The following PIEZO2 variants were observed in gnomAD, a reference collection of about 807,000 sequenced individuals.
PIEZO2 encodes the protein piezo type mechanosensitive ion channel component 2, also known as piezo-type mechanosensitive ion channel component 2.
In PIEZO2, 172 loss-of-function variants were observed where a neutral mutation model predicts 337.3. That is an observed-to-expected ratio of 0.51 (90% CI 0.45 to 0.58). The LOEUF (loss-of-function observed/expected upper bound fraction) is 0.58, where lower values mean the gene tolerates loss of function less well. Ranked by LOEUF, PIEZO2 falls within the 20% of genes least tolerant of loss-of-function variation. The probability of loss-of-function intolerance (pLI) is 0.00; values close to 1 mark genes in which losing one functional copy is unlikely to be tolerated. For missense variants in PIEZO2, 3,028 were observed against 3,391.3 expected (o/e 0.89, Z 2.66); for synonymous variants, 1,251 against 1,228.5 (o/e 1.02, Z -0.38).
rs969154714 is a variant in PIEZO2 at position 10,813,285 on chromosome 18, A to C, written c.918-6011T>G. Reference sequence around the variant, plus strand: ...TGAGCCACCGCGCCCGGGCCATTTTAAACATTTTTAAGAACACAGTTCAGT... The same window carrying C: ...TGAGCCACCGCGCCCGGGCCATTTTCAACATTTTTAAGAACACAGTTCAGT... On this transcript the variant is annotated intron_variant, in intron 7 of 55. Transcript: ENST00000674853. This position sits in a 1 kb window ranked among gnomAD's most constrained non-coding sequence, Gnocchi z 4.2. Among the ~76,000 whole-genome samples, 1 of 152,042 alleles carries C rather than the reference A, an allele frequency of 6.6e-6. No individual in the cohort carries two copies.
intron 21 of PIEZO2, among the ~76,000 whole-genome samples, chr18:10,763,489 G>A (rs2038226548): frequency 6.6e-6 from 1 of 151,946 alleles, no homozygotes; most frequent in Admixed American, 6.6e-5. Flanking sequence ...GATTCTTTAG[G>A]TAAAGGAGGC....
Position 10,784,966 on chromosome 18 carries a change from CA to C in PIEZO2, c.2319-10del, listed in dbSNP as rs945154484. ...AGCCAAGATCCTCAAGCCTGCAAAACAAAACAAAATAAAAAGCAGGAACCTC... is the reference window on the plus strand; with the variant it reads ...AGCCAAGATCCTCAAGCCTGCAAAACAAACAAAATAAAAAGCAGGAACCTC... On this transcript the variant is annotated splice_polypyrimidine_tract_variant and intron_variant, in intron 16 of 55. Transcript: ENST00000674853. The surrounding 1 kb of genome is among the most constrained non-coding windows in gnomAD (Gnocchi z 4.5). The C allele has an allele frequency of 3.3e-6, 5 of 1,525,128 alleles. No homozygotes were observed. The highest frequency in any genetic ancestry group is 4.4e-6 in the Non-Finnish European group (5 of 1,142,536). The allele number at this position is 1,525,128 out of a possible 1,614,324, so 94.5% of individuals were successfully genotyped here.
Position 11,148,775 on chromosome 18 carries a change from C to T in PIEZO2, c.-187G>A, listed in dbSNP as rs2040875750. 3 of 563,392 alleles carry T rather than the reference C, an allele frequency of 5.3e-6. No homozygotes were observed. Among genetic ancestry groups the T allele is most frequent in the Non-Finnish European group, 9.0e-6 (3 of 333,662 alleles). The allele number at this position is 563,392 out of a possible 1,614,324, so 34.9% of individuals were successfully genotyped here. ...ACGCTCCCGGGGCTCTTGGCCGCCC[C>T]TCGCCCACCGGGCTCTGGGTAGCCC... On this transcript the variant is annotated 5_prime_UTR_variant, in exon 1 of 56. Coordinates refer to ENST00000674853, the MANE Select transcript of PIEZO2 (RefSeq NM_001378183.1). The surrounding 1 kb of genome is among the most constrained non-coding windows in gnomAD (Gnocchi z 5.2).
At chr18:10,690,257 C>A (rs1167212611) in intron 48 of PIEZO2, among the ~76,000 whole-genome samples, 1 of 152,090 alleles carries the variant, frequency 6.6e-6, no homozygotes, top group African/African-American at 2.4e-5. Context: ...GGGTGTGAGG[C>A]CCCTCAGCCG....
chr18:10,932,489 C>T (rs1308613765), intron 3 of PIEZO2, among the ~76,000 whole-genome samples: 1 of 152,206 alleles, frequency 6.6e-6, no homozygotes, highest in Non-Finnish European at 1.5e-5. Context: ...ATAATCTAAG[C>T]AGCATATCAG....
At position 10,705,547 on chromosome 18, in the gene PIEZO2, G is replaced by A; in HGVS notation, c.5788C>T (p.Gln1930Ter). The change falls in exon 41 of 56, where the codon CAG becomes TAG. Residue 1930 changes from glutamine (Q) to a stop codon, truncating the protein, a stop_gained. Coordinates refer to ENST00000674853, the MANE Select transcript of PIEZO2 (RefSeq NM_001378183.1). LOFTEE classifies it high-confidence loss of function. ...ASLTPEEELT[Q>*]FSTLDGDVEA... Reference sequence around the variant, plus strand: ...ACATCCCCGTCCAAGGTGGAGAACTGTGTCAGCTCTTCCTCTGGGGTGAGG... The same window carrying A: ...ACATCCCCGTCCAAGGTGGAGAACTATGTCAGCTCTTCCTCTGGGGTGAGG... 2 of 1,537,280 alleles carry A rather than the reference G, an allele frequency of 1.3e-6. No individual in the cohort carries two copies. Among genetic ancestry groups the A allele is most frequent in the Non-Finnish European group, 1.7e-6 (2 of 1,146,910 alleles).
intron 3 of PIEZO2, among the ~76,000 whole-genome samples, chr18:10,922,931 C>A (rs2031517318): frequency 6.6e-6 from 1 of 152,024 alleles, no homozygotes; most frequent in Admixed American, 6.5e-5. Flanking sequence ...GAAGAATAGA[C>A]CTTTACTGTG....
chr18:10,854,002 T>C lies in PIEZO2; in HGVS notation c.917+1351A>G, dbSNP rs3898147. On this transcript the variant is annotated intron_variant, in intron 7 of 55. Transcript: ENST00000674853. This position sits in a 1 kb window ranked among gnomAD's most constrained non-coding sequence, Gnocchi z 4.6. Reference sequence around the variant, plus strand: ...TGTGCTTCACACAGGTTTAAGTATCTACTGTGCTCCTCTGAACTAGACAGT... The same window carrying C: ...TGTGCTTCACACAGGTTTAAGTATCCACTGTGCTCCTCTGAACTAGACAGT... Among the ~76,000 whole-genome samples, 2,823 of 152,326 alleles carry C rather than the reference T, an allele frequency of 0.019. 91 individuals carry two copies. Among genetic ancestry groups the C allele is most frequent in the African/African-American group, 0.064 (2,671 of 41,564 alleles).
chr18:10,893,425 C>T (rs1469576710), intron 4 of PIEZO2, among the ~76,000 whole-genome samples: 3 of 151,796 alleles, frequency 2.0e-5, no homozygotes, highest in Non-Finnish European at 4.4e-5. Flanking sequence ...AGACTCTTCC[C>T]TTCCCTGTGC....
At chr18:10,688,657 T>A (rs2034661620) in intron 49 of PIEZO2, among the ~76,000 whole-genome samples, 1 of 152,226 alleles carries the variant, frequency 6.6e-6, no homozygotes, top group African/African-American at 2.4e-5. Flanking sequence ...CAATTTCTCA[T>A]CTCTTTCCAA....
At chr18:10,871,819 A>G (rs1483601299) in intron 4 of PIEZO2, among the ~76,000 whole-genome samples, 2 of 152,266 alleles carry the variant, frequency 1.3e-5, no homozygotes, top group Non-Finnish European at 2.9e-5. Flanking sequence ...CAAGGAAAAT[A>G]GAGAAAATGT....
Position 10,750,521 on chromosome 18 carries a change from C to G in PIEZO2, c.4168-334G>C, listed in dbSNP as rs1038298191. On this transcript the variant is annotated intron_variant, in intron 28 of 55. Coordinates refer to ENST00000674853, the MANE Select transcript of PIEZO2 (RefSeq NM_001378183.1). This position sits in a 1 kb window ranked among gnomAD's most constrained non-coding sequence, Gnocchi z 4.1. ...AATGGGTGTGCACTGAACCCTAGAA[C>G]TTGGACTTTGGTAGAGTTATTTTCT... Among the ~76,000 whole-genome samples the G allele has an allele frequency of 3.9e-5, 6 of 152,208 alleles. No individual in the cohort carries two copies. The highest frequency in any genetic ancestry group is 8.8e-5 in the Non-Finnish European group (6 of 68,034).
chr18:10,979,474 A>C lies in PIEZO2; in HGVS notation c.286+61T>G. The C allele has an allele frequency of 7.4e-7, 1 of 1,358,068 alleles. No individual in the cohort carries two copies. Among genetic ancestry groups the C allele is most frequent in the East Asian group, 2.6e-5 (1 of 39,150 alleles). 84.1% of individuals were successfully genotyped at this position (1,358,068 alleles called of 1,614,324 possible). On this transcript the variant is annotated intron_variant, in intron 3 of 55. Transcript: ENST00000674853. The surrounding 1 kb of genome is among the most constrained non-coding windows in gnomAD (Gnocchi z 4.0). ...TATGTGTGCGATGACACACAGCTTTATTATGCACGTATATAAAAGAAATAA... is the reference window on the plus strand; with the variant it reads ...TATGTGTGCGATGACACACAGCTTTCTTATGCACGTATATAAAAGAAATAA...
At chr18:10,761,362 A>G (rs1187559077) in intron 23 of PIEZO2, among the ~76,000 whole-genome samples, 1 of 152,164 alleles carries the variant, frequency 6.6e-6, no homozygotes, top group East Asian at 1.9e-4. Context: ...GCTCATTCCT[A>G]CTTCTCACAA....
chr18:10,769,541 A>G (rs900580299), intron 21 of PIEZO2, among the ~76,000 whole-genome samples: 2 of 151,906 alleles, frequency 1.3e-5, no homozygotes, highest in African/African-American at 2.4e-5. Flanking sequence ...ATTGTAACCA[A>G]CTCAGAAATA....
At chr18:10,957,406 C>CAAAAAA (rs36005894) in intron 3 of PIEZO2, among the ~76,000 whole-genome samples, 103 of 144,994 alleles carry the variant, frequency 7.1e-4, no homozygotes, top group African/African-American at 2.4e-3. Flanking sequence ...AACAAACCAA[C>CAAAAAA]AAAAAAAAAA....
At chr18:10,809,444 A>G (rs1276569429) in intron 7 of PIEZO2, among the ~76,000 whole-genome samples, 2 of 151,324 alleles carry the variant, frequency 1.3e-5, no homozygotes, top group African/African-American at 4.9e-5. Context: ...TAATTTTTGT[A>G]TTTGTAGTAG....
rs2040197378 is a variant in PIEZO2 at position 11,126,875 on chromosome 18, T to G, written c.64+21650A>C. On this transcript the variant is annotated intron_variant, in intron 1 of 55. Coordinates refer to ENST00000674853, the MANE Select transcript of PIEZO2 (RefSeq NM_001378183.1). The surrounding 1 kb of genome is among the most constrained non-coding windows in gnomAD (Gnocchi z 4.6). Reference sequence around the variant, plus strand: ...ACAGATGAGGAAACAGAGACTGAAATGAATGGAGGAATGAATGAACACACT... The same window carrying G: ...ACAGATGAGGAAACAGAGACTGAAAGGAATGGAGGAATGAATGAACACACT... 6.6e-6 allele frequency among the ~76,000 whole-genome samples: 1 copy of G among 152,050 alleles called. No individual in the cohort carries two copies. The highest frequency in any genetic ancestry group is 2.1e-4 in the South Asian group (1 of 4,830).
Position 10,878,857 on chromosome 18 carries a change from T to C in PIEZO2, c.330-7442A>G, listed in dbSNP as rs2042336382. ...AGGACAAACATGATCCCCAAGGAAA[T>C]GAAGGCCACAGGAGAAACAGTGACG... is the stretch of plus-strand genomic sequence containing the variant. On this transcript the variant is annotated intron_variant, in intron 4 of 55. Coordinates refer to ENST00000674853, the MANE Select transcript of PIEZO2 (RefSeq NM_001378183.1). This position sits in a 1 kb window ranked among gnomAD's most constrained non-coding sequence, Gnocchi z 4.3. 6.6e-6 allele frequency among the ~76,000 whole-genome samples: 1 copy of C among 150,462 alleles called. No individual in the cohort carries two copies. Among genetic ancestry groups the C allele is most frequent in the South Asian group, 2.1e-4 (1 of 4,778 alleles).
Sources: allele counts gnomAD v4.1 joint callset (sites outside exome capture counted in the v4.1 genomes callset), GRCh38; gene constraint gnomAD v4.1.1; non-coding constraint Gnocchi (gnomAD v3.1); transcripts MANE v1.5; gene names NCBI Gene and HGNC (gene_info 2026-07-23, HGNC 2026-07-21).